The following SLC12A7 variants were observed in gnomAD, a reference collection of about 807,000 sequenced individuals.
SLC12A7 encodes the protein solute carrier family 12 member 7, also known as K-Cl cotransporter 4.
In SLC12A7, 100 loss-of-function variants were observed where a neutral mutation model predicts 120.6. The ratio of observed to expected loss-of-function variants is 0.83; its 90% CI spans 0.71 to 0.98. SLC12A7 has a LOEUF of 0.98. Ranked by LOEUF, SLC12A7 falls within the 50% of genes least tolerant of loss-of-function variation. The pLI, the probability that SLC12A7 is intolerant of heterozygous loss-of-function variation, is 0.00. For synonymous variants in SLC12A7, 760 were observed against 678.0 expected (o/e 1.12, Z -1.88); for missense variants, 1,373 against 1,548.1 (o/e 0.89, Z 1.90).
At chr5:1,084,498 A>G (rs1739588381) in intron 7 of SLC12A7, among the ~76,000 whole-genome samples, 1 of 152,140 alleles carries the variant, frequency 6.6e-6, no homozygotes, top group African/African-American at 2.4e-5. Flanking sequence ...AGAGCACAGG[A>G]GTGCCGCCCC....
At chr5:1,119,872 A>C in the SLC12A7 span, among the ~76,000 whole-genome samples, 1 of 152,252 alleles carries the variant, frequency 6.6e-6, no homozygotes, top group African/African-American at 2.4e-5. Flanking sequence ...GCCTCCCCTC[A>C]GGCCACCTGC....
At position 1,085,253 on chromosome 5, in the gene SLC12A7, G is replaced by A. The variant is rs764678222; in HGVS notation, c.896C>T (p.Ala299Val). 1.2e-6 allele frequency: 2 copies of A among 1,612,624 alleles called. No individual in the cohort carries two copies. The highest frequency in any genetic ancestry group is 2.2e-5 in the East Asian group (1 of 44,862). The change falls in exon 7 of 24, where the codon GCC (alanine) becomes GTC (valine). Residue 299 changes from alanine to valine, a missense_variant. By Grantham distance (64) the Ala-to-Val change is moderately conservative. Coordinates refer to ENST00000264930, the MANE Select transcript of SLC12A7 (RefSeq NM_006598.3). Reference protein sequence around the residue: ...LAIYAGVIKSAFDPPDIPVCL... With the variant: ...LAIYAGVIKSVFDPPDIPVCL... ...TCACGGGATGTCCGGGGGGTCGAAG[G>A]CAGACTTGATGACGCCGGCATAGAT...
At chr5:1,058,276 G>T (rs759049817) in intron 21 of SLC12A7, among the ~76,000 whole-genome samples, 22 of 152,254 alleles carry the variant, frequency 1.4e-4, no homozygotes, top group Non-Finnish European at 2.8e-4. Context: ...CTCACCGCGA[G>T]ATCGCACCAA....
the SLC12A7 span, among the ~76,000 whole-genome samples, chr5:1,137,318 C>T: frequency 6.6e-6 from 1 of 152,132 alleles, no homozygotes; most frequent in African/African-American, 2.4e-5. Context: ...CCAAGGACTC[C>T]GAAGGACAAG....
In SLC12A7 at chr5:1,096,726, AGGGAGGG is replaced by A. The variant is rs1360998007; in HGVS notation, c.125-2485_125-2479del. Among the ~76,000 whole-genome samples the A allele has an allele frequency of 1.1e-3, 34 of 31,336 alleles. No individual in the cohort carries two copies. The East Asian group carries it at 0.022, about 20-fold the overall frequency. The allele number at this position is 31,336 out of a possible 152,430, so 20.6% of individuals were successfully genotyped here. On this transcript the variant is annotated intron_variant, in intron 1 of 23. Coordinates refer to ENST00000264930, the MANE Select transcript of SLC12A7 (RefSeq NM_006598.3). ...GAAGGAAGGAGGGAGGAAGGAAAGG[AGGGAGGG>A]GGGAAGGGAGGGAAGGAAGGAGGGA... is the stretch of plus-strand genomic sequence containing the variant.
rs1736934805 is a variant in SLC12A7, at chr5:1,065,387, A to G, written c.2333T>C (p.Ile778Thr). The change falls in exon 18 of 24, where the codon ATC (isoleucine) becomes ACC (threonine). Residue 778 changes from isoleucine (I) to threonine (T), a missense_variant. Coordinates refer to ENST00000264930, the MANE Select transcript of SLC12A7 (RefSeq NM_006598.3). ...CAGGCCGCCCAGGCCGGCCGACTGG[A>G]TCAGGTGGGACATGCCATCCCGCAG... ...SSLRDGMSHL[I>T]QSAGLGGLKH... 2 of 1,612,714 alleles carry G rather than the reference A, an allele frequency of 1.2e-6. No homozygotes were observed. Among genetic ancestry groups the G allele is most frequent in the East Asian group, 2.2e-5 (1 of 44,872 alleles).
At chr5:1,095,248 A>G (rs1297192240) in intron 1 of SLC12A7, among the ~76,000 whole-genome samples, 1 of 152,118 alleles carries the variant, frequency 6.6e-6, no homozygotes, top group Non-Finnish European at 1.5e-5. Context: ...GAACTCTGAG[A>G]AGTTTCTGTG....
intron 3 of SLC12A7, among the ~76,000 whole-genome samples, chr5:1,089,609 G>A (rs1188322667): frequency 6.6e-6 from 1 of 151,064 alleles, no homozygotes; most frequent in Non-Finnish European, 1.5e-5. Flanking sequence ...CTCAGCGTCG[G>A]CCCTGGGCAG....
At position 1,085,372 on chromosome 5, in the gene SLC12A7, G is replaced by T; in HGVS notation, c.777C>A (p.Leu259=). The T allele has an allele frequency of 6.2e-7, 1 of 1,612,290 alleles. No individual in the cohort carries two copies. Among genetic ancestry groups the T allele is most frequent in the Non-Finnish European group, 8.5e-7 (1 of 1,179,700 alleles). The part of the protein sequence containing the change: ...HNMRVYGTCT[L]VLMALVVFVG... ...CGAAGACCACCAGGGCCATGAGCAC[G>T]AGCGTGCACGTGCCGTACACACGCA... The change falls in exon 7 of 24, where the codon CTC becomes CTA. Residue 259 remains leucine (L), a synonymous_variant. Coordinates refer to ENST00000264930, the MANE Select transcript of SLC12A7 (RefSeq NM_006598.3).
Position 1,050,910 on chromosome 5 carries a change from C to CTT in SLC12A7, c.*1448_*1449dup. 2.5e-6 allele frequency: 1 copy of CTT among 398,662 alleles called. No homozygotes were observed. Among genetic ancestry groups the CTT allele is most frequent in the Non-Finnish European group, 4.4e-6 (1 of 226,084 alleles). 24.7% of individuals were successfully genotyped at this position (398,662 alleles called of 1,614,324 possible). On this transcript the variant is annotated 3_prime_UTR_variant, in exon 24 of 24. Coordinates refer to ENST00000264930, the MANE Select transcript of SLC12A7 (RefSeq NM_006598.3). ...AGTGCAGCCTCTGCCCCGATTTGAA[C>CTT]TTTGTTGATGGGGCTGATTCCCTTG...
chr5:1,148,351 C>T, the SLC12A7 span, among the ~76,000 whole-genome samples: 17,236 of 151,420 alleles, frequency 0.11, 1,341 homozygotes, highest in Non-Finnish European at 0.17. Context: ...GGACTACAGG[C>T]GCCCACCACC....
At chr5:1,056,557 AC>A (rs1735632785) in intron 22 of SLC12A7, 4 of 984,694 alleles carry the variant, frequency 4.1e-6, no homozygotes, top group Non-Finnish European at 4.8e-6. Flanking sequence ...CCGGAAGGCG[AC>A]CTGGTTGTAG....
At chr5:1,110,117 G>A (rs1374892429) in intron 1 of SLC12A7, among the ~76,000 whole-genome samples, 1 of 152,260 alleles carries the variant, frequency 6.6e-6, no homozygotes, top group East Asian at 1.9e-4. Context: ...ATTCCGAAGG[G>A]CAGCTGCGTG....
chr5:1,131,888 TACACGGCA>T, the SLC12A7 span, among the ~76,000 whole-genome samples: 1 of 152,204 alleles, frequency 6.6e-6, no homozygotes, highest in Non-Finnish European at 1.5e-5. Context: ...CCTGGCTGTG[TACACGGCA>T]AAGCTCACTG....
chr5:1,065,540 C>T (rs1736957079), intron 17 of SLC12A7, 62 bp from the exon 18 acceptor site: 2 of 1,418,994 alleles, frequency 1.4e-6, no homozygotes, highest in Admixed American at 4.7e-5. Flanking sequence ...CCACGCCCAC[C>T]ACCCACGGTG....
intron 18 of SLC12A7, 35 bp downstream of exon 18, chr5:1,065,248 T>G: frequency 1.4e-6 from 2 of 1,472,482 alleles, no homozygotes; most frequent in Admixed American, 2.0e-5. Context: ...GAGGGGACGG[T>G]GAGGGGATGC....
At chr5:1,123,181 C>T in the SLC12A7 span, among the ~76,000 whole-genome samples, 2 of 152,222 alleles carry the variant, frequency 1.3e-5, no homozygotes, top group Non-Finnish European at 2.9e-5. Context: ...GATAAGGTCT[C>T]GGGTGGCCTG....
chr5:1,073,580 C>G, intron 17 of SLC12A7, 53 bp downstream of exon 17: 2 of 1,547,220 alleles, frequency 1.3e-6, no homozygotes, highest in Non-Finnish European at 1.7e-6. Context: ...GGCACGTTTC[C>G]TGTGCAGCTG....
At chr5:1,114,003 C>G (rs1290316610), upstream of SLC12A7, among the ~76,000 whole-genome samples, 1 of 152,230 alleles carries the variant, frequency 6.6e-6, no homozygotes, top group Admixed American at 6.5e-5. Context: ...CCCAGGACCC[C>G]AGGGCCGGCT....
Sources: gnomAD v4.1 joint callset for allele counts (sites outside exome capture counted in the v4.1 genomes callset) on GRCh38, gnomAD v4.1.1 for gene constraint, MANE v1.5 for transcripts, NCBI Gene and HGNC (gene_info 2026-07-23, HGNC 2026-07-21) for gene names.